Variants in GNG4 observed in about 807,000 individuals in gnomAD.
GNG4 encodes the protein guanine nucleotide-binding protein G(I)/G(S)/G(O) subunit gamma-4.
A neutral mutation model predicts 5.8 loss-of-function variants in GNG4; 4 were observed. The observed-to-expected ratio is 0.69, with a 90% CI of 0.34 to 1.57. The LOEUF (loss-of-function observed/expected upper bound fraction) is 1.57. GNG4 is among the 40% of genes most tolerant of loss of function. The pLI is 0.06. For missense variants in GNG4, 96 were observed against 95.1 expected (o/e 1.01, Z -0.04); for synonymous variants, 29 against 32.9 (o/e 0.88, Z 0.41).
rs1686671069 is a variant in GNG4, at chr1:235,549,161, C to G, written c.*2948G>C. ...TGAGCCAAGATTGCGCTACTGCACT[C>G]CAGCCTGGACGACAGAAAGAGACTC... On this transcript the variant is annotated 3_prime_UTR_variant, in exon 4 of 4. Transcript: ENST00000391854. The G allele has an allele frequency of 2.0e-5, 3 of 153,008 alleles. No homozygotes were observed. The highest frequency in any genetic ancestry group is 1.5e-5 in the Non-Finnish European group (1 of 68,692). 9.5% of individuals were successfully genotyped at this position (153,008 alleles called of 1,614,324 possible).
At chr1:235,628,364 G>A (rs1190218751) in intron 1 of GNG4, among the ~76,000 whole-genome samples, 1 of 151,362 alleles carries the variant, frequency 6.6e-6, no homozygotes, top group Admixed American at 6.6e-5. Context: ...ACCGGAGAGT[G>A]ACCCTCTCTG....
At chr1:235,576,656 G>C (rs1687491769) in intron 3 of GNG4, among the ~76,000 whole-genome samples, 2 of 152,136 alleles carry the variant, frequency 1.3e-5, no homozygotes, top group African/African-American at 2.4e-5. Flanking sequence ...TCTTTGTTGG[G>C]AAATGCTTTG....
At chr1:235,589,482 T>C (rs1208392912) in intron 2 of GNG4, among the ~76,000 whole-genome samples, 1 of 152,170 alleles carries the variant, frequency 6.6e-6, no homozygotes, top group Non-Finnish European at 1.5e-5. Context: ...GAGAGACCTG[T>C]TGAGTAAAAC....
At chr1:235,592,171 G>A (rs1265378548) in intron 2 of GNG4, among the ~76,000 whole-genome samples, 1 of 152,136 alleles carries the variant, frequency 6.6e-6, no homozygotes, top group Admixed American at 6.6e-5. Context: ...TCAGATGAGG[G>A]GGAACTGAGG....
upstream of GNG4, chr1:235,649,893 C>G (rs1657626300): frequency 1.3e-5 from 2 of 149,974 alleles, no homozygotes; most frequent in South Asian, 4.2e-4. The surrounding 1 kb of genome is among the most constrained non-coding windows in gnomAD (Gnocchi z 5.7). Context: ...CAGGCGGACC[C>G]TCCCCCGGCC....
intron 1 of GNG4, among the ~76,000 whole-genome samples, chr1:235,647,550 G>A (rs1050398629): frequency 6.6e-5 from 10 of 152,190 alleles, no homozygotes; most frequent in Admixed American, 2.0e-4. Flanking sequence ...GGGTTTGGGC[G>A]TGTAGGTCTT....
chr1:235,567,669 CTGTTT>C (rs1257658291), intron 3 of GNG4, among the ~76,000 whole-genome samples: 1 of 152,170 alleles, frequency 6.6e-6, no homozygotes, highest in Non-Finnish European at 1.5e-5. Flanking sequence ...GAATAATTTT[CTGTTT>C]TAAGTATACA....
At chr1:235,599,750 A>C (rs981436962) in intron 1 of GNG4, among the ~76,000 whole-genome samples, 2 of 152,218 alleles carry the variant, frequency 1.3e-5, no homozygotes, top group African/African-American at 4.8e-5. Context: ...TGGGTCAGTC[A>C]TAACAGTGGT....
chr1:235,558,163 A>G (rs1429456716), intron 3 of GNG4, among the ~76,000 whole-genome samples: 1 of 152,192 alleles, frequency 6.6e-6, no homozygotes, highest in Non-Finnish European at 1.5e-5. Context: ...AGAAGTGCTC[A>G]GTTTAAGCCC....
intron 1 of GNG4, among the ~76,000 whole-genome samples, chr1:235,624,397 C>T (rs932788217): frequency 2.6e-5 from 4 of 152,054 alleles, no homozygotes; most frequent in African/African-American, 9.7e-5. Context: ...CAAGTGTGAG[C>T]CCCCGTGCCC....
intron 3 of GNG4, among the ~76,000 whole-genome samples, chr1:235,557,088 C>T (rs965466794): frequency 1.3e-5 from 2 of 152,138 alleles, no homozygotes; most frequent in African/African-American, 2.4e-5. Context: ...CTGTGCGGCC[C>T]GGTTCCTAAC....
chr1:235,583,975 T>C (rs948691971), intron 2 of GNG4, 127 bp from the exon 3 acceptor site: 5 of 522,138 alleles, frequency 9.6e-6, no homozygotes, highest in South Asian at 6.5e-5. Flanking sequence ...CAGCATTTGG[T>C]AGAAAACCCT....
chr1:235,635,853 A>G (rs1689025885), intron 1 of GNG4, among the ~76,000 whole-genome samples: 1 of 152,048 alleles, frequency 6.6e-6, no homozygotes, highest in African/African-American at 2.4e-5. Context: ...ATACAAACAC[A>G]TGGCAGTCGC....
chr1:235,601,153 G>A (rs1688249549), intron 1 of GNG4, among the ~76,000 whole-genome samples: 2 of 152,244 alleles, frequency 1.3e-5, no homozygotes, highest in Admixed American at 6.5e-5. Context: ...AAACAGTGAT[G>A]ATACAGGGAA....
At chr1:235,593,514 A>G (rs1211749219) in intron 2 of GNG4, among the ~76,000 whole-genome samples, 2 of 152,202 alleles carry the variant, frequency 1.3e-5, no homozygotes, top group East Asian at 3.9e-4. Context: ...TGCCCAAAAG[A>G]CAGCTGGGTC....
In GNG4 at chr1:235,636,290, AG is replaced by A. The variant is rs1266205162; in HGVS notation, c.-123+13371del. Among the ~76,000 whole-genome samples the A allele has an allele frequency of 3.9e-5, 6 of 152,380 alleles. No homozygotes were observed. The South Asian group carries it at 8.3e-4, about 21-fold the overall frequency. On this transcript the variant is annotated intron_variant, in intron 1 of 3. Coordinates refer to ENST00000391854, the MANE Select transcript of GNG4 (RefSeq NM_001098722.2). ...TGCTTTTTACTTCCAAAGCGGGTTC[AG>A]AAAGCCTTCTTCAGGAACAAGTTTT...
intron 1 of GNG4, among the ~76,000 whole-genome samples, chr1:235,636,153 G>C (rs758454699): frequency 2.1e-4 from 32 of 152,130 alleles, no homozygotes; most frequent in Non-Finnish European, 4.3e-4. Flanking sequence ...AGACAGGGCT[G>C]GGCTGTTTTC....
intron 3 of GNG4, among the ~76,000 whole-genome samples, chr1:235,581,261 T>C (rs1687627496): frequency 1.3e-5 from 2 of 152,112 alleles, no homozygotes; most frequent in Non-Finnish European, 2.9e-5. Flanking sequence ...TCAAGAGATC[T>C]GGTTGTTTAA....
intron 2 of GNG4, among the ~76,000 whole-genome samples, chr1:235,587,600 AGG>A (rs1558486335): frequency 0.019 from 9 of 464 alleles, 3 homozygotes; most frequent in East Asian, 0.17. Flanking sequence ...TGAGTGTGGG[AGG>A]GCATGGGGTG....
Sources: gnomAD v4.1 joint callset for allele counts (sites outside exome capture counted in the v4.1 genomes callset) on GRCh38, gnomAD v4.1.1 for gene constraint, Gnocchi (gnomAD v3.1) non-coding constraint, MANE v1.5 for transcripts, NCBI Gene and HGNC (gene_info 2026-07-23, HGNC 2026-07-21) for gene names.